Variants in NAALADL2 observed in about 807,000 individuals in gnomAD.
NAALADL2 encodes inactive N-acetylated-alpha-linked acidic dipeptidase-like protein 2.
A neutral mutation model predicts 87.2 loss-of-function variants in NAALADL2; 76 were observed. The observed-to-expected ratio is 0.87, with a 90% CI of 0.72 to 1.05. The LOEUF (loss-of-function observed/expected upper bound fraction) is 1.05. Ranked by LOEUF, NAALADL2 falls within the 50% of genes least tolerant of loss-of-function variation. The probability of loss-of-function intolerance (pLI) is 0.00; values close to 1 mark genes in which losing one functional copy is unlikely to be tolerated. For synonymous variants in NAALADL2, 354 were observed against 331.0 expected, an observed-to-expected ratio of 1.07 and a Z score of -0.75; for missense variants, 1,089 against 945.8, an observed-to-expected ratio of 1.15 and a Z score of -1.99.
At chr3:174,983,637 G>T (rs1310050652) in intron 1 of NAALADL2, among the ~76,000 whole-genome samples, 5 of 152,106 alleles carry the variant, frequency 3.3e-5, no homozygotes, top group Non-Finnish European at 5.9e-5. Context: ...CCAGCTCTCT[G>T]AGGACCTCTT....
chr3:175,546,016 G>T (rs567645984), intron 9 of NAALADL2, among the ~76,000 whole-genome samples: 18 of 152,174 alleles, frequency 1.2e-4, no homozygotes, highest in African/African-American at 4.3e-4. Context: ...ATAAAACATA[G>T]ATGTAATAGA....
intron 1 of NAALADL2, among the ~76,000 whole-genome samples, chr3:174,464,607 T>C (rs1191474236): frequency 1.3e-5 from 2 of 152,054 alleles, no homozygotes. Flanking sequence ...TGTTTTTATT[T>C]GGCAGAAACT....
chr3:175,353,647 A>G (rs1235394431), intron 5 of NAALADL2, among the ~76,000 whole-genome samples: 1 of 152,216 alleles, frequency 6.6e-6, no homozygotes, highest in Non-Finnish European at 1.5e-5. Flanking sequence ...AAGACTCTTC[A>G]AAGAAAATGT....
At chr3:174,579,326 G>A (rs563055937) in intron 2 of NAALADL2, among the ~76,000 whole-genome samples, 1 of 152,048 alleles carries the variant, frequency 6.6e-6, no homozygotes, top group East Asian at 1.9e-4. Context: ...ATAAAGAGGA[G>A]AATGGATAAA....
chr3:175,452,531 T>C (rs1721735627), intron 6 of NAALADL2, among the ~76,000 whole-genome samples: 1 of 152,184 alleles, frequency 6.6e-6, no homozygotes, highest in Admixed American at 6.6e-5. Context: ...GGGAAAATTT[T>C]AATTTGTGCA....
chr3:174,977,617 C>T (rs1036161614), intron 1 of NAALADL2, among the ~76,000 whole-genome samples: 2 of 152,084 alleles, frequency 1.3e-5, no homozygotes, highest in Admixed American at 1.3e-4. Context: ...TAGTTAACTC[C>T]AATATATAAT....
intron 2 of NAALADL2, among the ~76,000 whole-genome samples, chr3:175,112,780 C>A (rs1724419329): frequency 6.6e-6 from 1 of 151,542 alleles, no homozygotes; most frequent in African/African-American, 2.4e-5. Context: ...ATGAGAGTTA[C>A]ATAAATGTCT....
intron 11 of NAALADL2, among the ~76,000 whole-genome samples, chr3:175,722,012 A>G (rs530115999): frequency 4.6e-5 from 7 of 152,104 alleles, no homozygotes; most frequent in Admixed American, 2.6e-4. Flanking sequence ...TTCATCATAC[A>G]CATGCACACA....
chr3:174,690,248 C>T (rs548704251), intron 2 of NAALADL2, among the ~76,000 whole-genome samples: 162 of 152,114 alleles, frequency 1.1e-3, no homozygotes, highest in Admixed American at 4.6e-4. Flanking sequence ...TAAAGTAAGA[C>T]GATCATATAC....
At chr3:175,570,631 A>G (rs1238462097) in intron 9 of NAALADL2, among the ~76,000 whole-genome samples, 2 of 152,190 alleles carry the variant, frequency 1.3e-5, no homozygotes, top group African/African-American at 2.4e-5. Context: ...CTGTAGTCCC[A>G]GCACTTTGGG....
chr3:175,434,993 G>C (rs536660718), intron 5 of NAALADL2, among the ~76,000 whole-genome samples: 1 of 152,104 alleles, frequency 6.6e-6, no homozygotes, highest in Non-Finnish European at 1.5e-5. Flanking sequence ...TCTTGGAGTA[G>C]ACAAATGAGG....
chr3:174,526,512 T>A (rs1253468573), intron 1 of NAALADL2, among the ~76,000 whole-genome samples: 1 of 152,352 alleles, frequency 6.6e-6, no homozygotes, highest in East Asian at 1.9e-4. Flanking sequence ...TGGCATATAA[T>A]ATATATTGAC....
chr3:175,758,656 G>A (rs1160123223), intron 13 of NAALADL2, among the ~76,000 whole-genome samples: 2 of 152,054 alleles, frequency 1.3e-5, no homozygotes, highest in South Asian at 4.1e-4. Context: ...TCTTAATGGG[G>A]AAGGAAATAT....
chr3:174,702,714 G>C (rs1469794953), intron 2 of NAALADL2, among the ~76,000 whole-genome samples: 2 of 152,136 alleles, frequency 1.3e-5, no homozygotes, highest in Non-Finnish European at 2.9e-5. Context: ...AATGGTAATT[G>C]TTTGTGTATC....
At chr3:174,826,057 A>G (rs1222786339) in intron 3 of NAALADL2, among the ~76,000 whole-genome samples, 5 of 149,278 alleles carry the variant, frequency 3.3e-5, no homozygotes, top group Non-Finnish European at 7.4e-5. Flanking sequence ...AACAACGACA[A>G]CAACAACAAC....
intron 3 of NAALADL2, among the ~76,000 whole-genome samples, chr3:174,834,883 T>C (rs1289085166): frequency 2.6e-5 from 4 of 151,886 alleles, no homozygotes; most frequent in African/African-American, 9.7e-5. Context: ...AGATTTCATT[T>C]AATCACTGTA....
intron 2 of NAALADL2, among the ~76,000 whole-genome samples, chr3:175,196,549 C>A (rs981929543): frequency 6.6e-6 from 1 of 151,938 alleles, no homozygotes; most frequent in African/African-American, 2.4e-5. Context: ...GCATTAAATT[C>A]TTCAGCTTTA....
At chr3:175,796,110 G>A (rs992293662) in intron 13 of NAALADL2, among the ~76,000 whole-genome samples, 4 of 143,750 alleles carry the variant, frequency 2.8e-5, no homozygotes, top group African/African-American at 1.0e-4. Context: ...TGGGGGAGAG[G>A]CAGGGTGGGT....
intron 9 of NAALADL2, among the ~76,000 whole-genome samples, chr3:175,557,221 A>T (rs576119078): frequency 6.4e-4 from 98 of 152,276 alleles, no homozygotes; most frequent in African/African-American, 2.3e-3. Flanking sequence ...TACCAAATTT[A>T]TCTCAACATT....
Sources: gnomAD v4.1 joint callset for allele counts (sites outside exome capture counted in the v4.1 genomes callset) on GRCh38, gnomAD v4.1.1 for gene constraint, MANE v1.5 for transcripts, NCBI Gene and HGNC (gene_info 2026-07-23, HGNC 2026-07-21) for gene names.